The following SIK2 variants were observed in gnomAD, a reference collection of about 807,000 sequenced individuals.
SIK2 encodes salt inducible kinase 2.
SIK2 carries 29 observed loss-of-function variants against 103.2 expected under a neutral mutation model. The ratio of observed to expected loss-of-function variants is 0.28; its 90% CI spans 0.21 to 0.38. The LOEUF is 0.38. Ranked by LOEUF, SIK2 falls within the 10% of genes least tolerant of loss-of-function variation. The pLI, the probability that SIK2 is intolerant of heterozygous loss-of-function variation, is 1.00. For missense variants in SIK2, 879 were observed against 1,171.0 expected, an observed-to-expected ratio of 0.75 and a Z score of 3.64; for synonymous variants, 412 against 446.1, an observed-to-expected ratio of 0.92 and a Z score of 0.96.
chr11:111,702,298 C>T (rs997147240), intron 6 of SIK2, among the ~76,000 whole-genome samples: 4 of 152,200 alleles, frequency 2.6e-5, no homozygotes, highest in Non-Finnish European at 5.9e-5. Context: ...TTAAATTAAT[C>T]TGTCAGTCAG....
chr11:111,684,259 A>C (rs575022086), intron 3 of SIK2, among the ~76,000 whole-genome samples: 38 of 152,292 alleles, frequency 2.5e-4, no homozygotes, highest in African/African-American at 9.1e-4. Context: ...AGCTTCAAAA[A>C]ACAATAACTA....
At chr11:111,670,784 A>G (rs1011790903) in intron 3 of SIK2, among the ~76,000 whole-genome samples, 1 of 152,180 alleles carries the variant, frequency 6.6e-6, no homozygotes, top group East Asian at 1.9e-4. Context: ...AGTTGGGGGC[A>G]TGGGCAAGAG....
rs1366663760 is a variant in SIK2, at chr11:111,729,346, T to G, written c.*5217T>G. The stretch of plus-strand genomic sequence containing the variant: ...GCTGTGATGGGTTCTGCCCAGATAC[T>G]CTGCTCGCCCACCCACAAGGGAGCA... On this transcript the variant is annotated 3_prime_UTR_variant, in exon 15 of 15. Coordinates refer to ENST00000304987, the MANE Select transcript of SIK2 (RefSeq NM_015191.3). 6.6e-6 allele frequency: 1 copy of G among 152,226 alleles called. No homozygotes were observed. The highest frequency in any genetic ancestry group is 2.4e-5 in the African/African-American group (1 of 41,462). The allele number at this position is 152,226 out of a possible 1,614,324, so 9.4% of individuals were successfully genotyped here.
chr11:111,722,352 C>A lies in SIK2; in HGVS notation c.2056-313C>A, dbSNP rs1405631313. 6.6e-6 allele frequency among the ~76,000 whole-genome samples: 1 copy of A among 152,236 alleles called. No homozygotes were observed. Among genetic ancestry groups the A allele is most frequent in the African/African-American group, 2.4e-5 (1 of 41,472 alleles). ...TCCCGTAAAGGATGAATCATTCATT[C>A]AGCGGGTGCTGGGGCCTTTGCTCTC... On this transcript the variant is annotated intron_variant, in intron 13 of 14. Coordinates refer to ENST00000304987, the MANE Select transcript of SIK2 (RefSeq NM_015191.3). This position sits in a 1 kb window ranked among gnomAD's most constrained non-coding sequence, Gnocchi z 4.4.
chr11:111,699,847 C>T (rs1208536410), intron 4 of SIK2, among the ~76,000 whole-genome samples: 3 of 152,156 alleles, frequency 2.0e-5, no homozygotes, highest in African/African-American at 7.2e-5. Context: ...GATCCAAAGT[C>T]ACAAATCCAG....
rs115460420 is a variant in SIK2, at chr11:111,696,341, T to G, written c.479-4545T>G. 3.2e-3 allele frequency among the ~76,000 whole-genome samples: 485 copies of G among 152,300 alleles called. 3 individuals are homozygous for G. The highest frequency in any genetic ancestry group is 0.011 in the African/African-American group (461 of 41,558). ...ATAATTGAAGCTTAGTTTTGATAAT[T>G]ATACTGTAGGTATGTAAAATGTTAA... is the stretch of plus-strand genomic sequence containing the variant. On this transcript the variant is annotated intron_variant, in intron 4 of 14. Coordinates refer to ENST00000304987, the MANE Select transcript of SIK2 (RefSeq NM_015191.3).
intron 6 of SIK2, among the ~76,000 whole-genome samples, chr11:111,702,449 T>A (rs1279132077): frequency 6.6e-6 from 1 of 151,956 alleles, no homozygotes; most frequent in Non-Finnish European, 1.5e-5. Flanking sequence ...ATTAGCCGGG[T>A]GTGGTGGCAT....
At position 111,726,919 on chromosome 11, in the gene SIK2, A is replaced by G; in HGVS notation, c.*2790A>G. The G allele has an allele frequency of 3.8e-6, 6 of 1,587,562 alleles. No individual in the cohort carries two copies. Among genetic ancestry groups the G allele is most frequent in the Non-Finnish European group, 5.2e-6 (6 of 1,156,956 alleles). On this transcript the variant is annotated 3_prime_UTR_variant, in exon 15 of 15. Transcript: ENST00000304987. ...AATTTCGTTCGGCAAAAAGTGCAATATGTGTGGTACTTTATTTTTTATGTT... is the reference window on the plus strand; with the variant it reads ...AATTTCGTTCGGCAAAAAGTGCAATGTGTGTGGTACTTTATTTTTTATGTT...
At chr11:111,718,026 C>T (rs1182063720) in intron 9 of SIK2, among the ~76,000 whole-genome samples, 1 of 151,906 alleles carries the variant, frequency 6.6e-6, no homozygotes. Flanking sequence ...ACACGTTTAC[C>T]TATGTAACAA....
chr11:111,711,117 A>C (rs1943481775), intron 8 of SIK2, among the ~76,000 whole-genome samples: 2 of 151,794 alleles, frequency 1.3e-5, no homozygotes, highest in African/African-American at 4.8e-5. Flanking sequence ...TTCTCTTTTA[A>C]ATGATTTTTT....
intron 4 of SIK2, among the ~76,000 whole-genome samples, chr11:111,696,039 TTAAG>T (rs994347419): frequency 6.6e-6 from 1 of 152,210 alleles, no homozygotes; most frequent in Non-Finnish European, 1.5e-5. Flanking sequence ...GGCTGGTTAA[TTAAG>T]TAAGAGACAG....
At chr11:111,635,529 A>G (rs959108783) in intron 3 of SIK2, among the ~76,000 whole-genome samples, 12 of 151,730 alleles carry the variant, frequency 7.9e-5, no homozygotes, top group Admixed American at 7.9e-4. Flanking sequence ...CCACTGCTCT[A>G]GTGGAGTTCA....
At chr11:111,660,800 T>C (rs1942456529) in intron 3 of SIK2, among the ~76,000 whole-genome samples, 1 of 149,814 alleles carries the variant, frequency 6.7e-6, no homozygotes, top group Non-Finnish European at 1.5e-5. Context: ...TTTCCAAAAC[T>C]TGAACCTAAT....
chr11:111,701,627 G>C lies in SIK2; in HGVS notation c.727+52G>C. ...GTGTTTTACAGTGTTAGTGCTCCAAGTGAAATGCCTAGGTAAAAGCTTCTT... is the reference window on the plus strand; with the variant it reads ...GTGTTTTACAGTGTTAGTGCTCCAACTGAAATGCCTAGGTAAAAGCTTCTT... On this transcript the variant is annotated intron_variant, in intron 6 of 14. Transcript: ENST00000304987. This position sits in a 1 kb window ranked among gnomAD's most constrained non-coding sequence, Gnocchi z 4.2. 6.3e-7 allele frequency: 1 copy of C among 1,584,688 alleles called. No homozygotes were observed. The highest frequency in any genetic ancestry group is 8.6e-7 in the Non-Finnish European group (1 of 1,162,396).
chr11:111,622,247 C>CTTTTTTTTTTTTTTTTTTTTTTTTTT (rs71057079), intron 3 of SIK2, among the ~76,000 whole-genome samples: 1 of 61,454 alleles, frequency 1.6e-5, no homozygotes, highest in Non-Finnish European at 2.7e-5. Flanking sequence ...ATTTTCTTTT[C>CTTTTTTTTTTTTTTTTTTTTTTTTTT]TTTTTTTTTT....
In SIK2 at chr11:111,618,732, TATTA is replaced by T. The variant is rs563903104; in HGVS notation, c.253-1603_253-1600del. 3.0e-3 allele frequency among the ~76,000 whole-genome samples: 450 copies of T among 152,212 alleles called. 1 individual carries two copies. Among genetic ancestry groups the T allele is most frequent in the African/African-American group, 0.01 (425 of 41,512 alleles). On this transcript the variant is annotated intron_variant, in intron 2 of 14. Transcript: ENST00000304987. ...TTCTCCCTTTAAACTTAAAAAAAAT[TATTA>T]ATTTTTTTTTAAAAGAAAACGTCTT...
In SIK2 at chr11:111,727,332, C is replaced by G; in HGVS notation, c.*3203C>G. On this transcript the variant is annotated 3_prime_UTR_variant, in exon 15 of 15. Transcript: ENST00000304987. ...TTCTCTCTTCCATCCACTTTTGCCT[C>G]CTAGGAAAGAAAAAGTCAGTGGCCC... The G allele has an allele frequency of 2.1e-6, 1 of 472,114 alleles. No individual in the cohort carries two copies. Among genetic ancestry groups the G allele is most frequent in the East Asian group, 3.2e-5 (1 of 31,436 alleles). 29.2% of individuals were successfully genotyped at this position (472,114 alleles called of 1,614,324 possible). A position where few individuals can be genotyped will look rare whatever the true frequency, so the allele number is the denominator to read the frequency against.
At chr11:111,660,040 C>T (rs763274180) in intron 3 of SIK2, among the ~76,000 whole-genome samples, 6 of 152,154 alleles carry the variant, frequency 3.9e-5, no homozygotes, top group Non-Finnish European at 7.4e-5. Context: ...CGTGAGAAAA[C>T]ATTTTCCTAA....
chr11:111,710,608 G>A (rs1943469277), intron 8 of SIK2, among the ~76,000 whole-genome samples: 1 of 152,180 alleles, frequency 6.6e-6, no homozygotes, highest in African/African-American at 2.4e-5. Context: ...ACATTCTTGT[G>A]ATCATTTGAA....
Sources: gnomAD v4.1 joint callset for allele counts (sites outside exome capture counted in the v4.1 genomes callset) on GRCh38, gnomAD v4.1.1 for gene constraint, Gnocchi (gnomAD v3.1) non-coding constraint, MANE v1.5 for transcripts, NCBI Gene and HGNC (gene_info 2026-07-23, HGNC 2026-07-21) for gene names.